DDX60L: variants seen among roughly 807,000 people sequenced by gnomAD.
DDX60L encodes the protein probable ATP-dependent RNA helicase DDX60-like.
A neutral mutation model predicts 211.6 loss-of-function variants in DDX60L; 191 were observed. That is an observed-to-expected ratio of 0.90 (90% CI 0.80 to 1.02). DDX60L has a LOEUF of 1.02. Among genes scored for constraint, DDX60L ranks in the 50% least tolerant of loss-of-function variants. The pLI, the probability that DDX60L is intolerant of heterozygous loss-of-function variation, is 0.00. For synonymous variants in DDX60L, 706 were observed against 694.1 expected, an observed-to-expected ratio of 1.02 and a Z score of -0.27; for missense variants, 2,007 against 1,984.1, an observed-to-expected ratio of 1.01 and a Z score of -0.22.
chr4:168,432,795 A>T (rs1461776184), intron 11 of DDX60L, among the ~76,000 whole-genome samples: 1 of 151,298 alleles, frequency 6.6e-6, no homozygotes, highest in African/African-American at 2.4e-5. Context: ...GAGTAATTTT[A>T]TTATACGTTC....
At chr4:168,420,178 G>A in intron 18 of DDX60L, 83 bp downstream of exon 18, 2 of 1,131,108 alleles carry the variant, frequency 1.8e-6, no homozygotes, top group Non-Finnish European at 2.4e-6. Context: ...ATAAGGGCTT[G>A]TGTTTTGCAG....
chr4:168,422,529 A>T lies in DDX60L; in HGVS notation c.2239T>A (p.Trp747Arg). The change falls in exon 16 of 38, where the codon TGG becomes AGG. Residue 747 changes from tryptophan (W) to arginine (R), a missense_variant. Trp to Arg is a moderately radical substitution (Grantham distance 101). Coordinates refer to ENST00000682922, the MANE Select transcript of DDX60L (RefSeq NM_001012967.3). ...ACAATGTTTGTTGTCATTACCTGCC[A>T]TGCGTTGGGAATAAAATCCTGGACC... ...PRVQDFIPNA[W>R]QQELLDVVDK... 7 of 1,609,026 alleles carry T rather than the reference A, an allele frequency of 4.4e-6. No homozygotes were observed. In the Admixed American group the frequency reaches 6.8e-5, roughly 16 times the overall value.
chr4:168,370,591 T>C (rs1740831791), intron 36 of DDX60L, among the ~76,000 whole-genome samples: 1 of 152,102 alleles, frequency 6.6e-6, no homozygotes, highest in Non-Finnish European at 1.5e-5. Context: ...TTTTGAACAT[T>C]CTCACCACAA....
At chr4:168,383,345 G>C (rs1743286741) in intron 30 of DDX60L, among the ~76,000 whole-genome samples, 1 of 152,148 alleles carries the variant, frequency 6.6e-6, no homozygotes, top group Non-Finnish European at 1.5e-5. Flanking sequence ...AGTTCATTTG[G>C]GCCAAGGTTG....
rs565412988 is a variant in DDX60L, at chr4:168,388,037, A to T, written c.3916-3225T>A. Reference sequence around the variant, plus strand: ...GAAAATGACAGCCTGGCATAGATGGACGCACATTGTACAGAAGAAATCATC... The same window carrying T: ...GAAAATGACAGCCTGGCATAGATGGTCGCACATTGTACAGAAGAAATCATC... On this transcript the variant is annotated intron_variant, in intron 29 of 37. Transcript: ENST00000682922. 3.3e-5 allele frequency among the ~76,000 whole-genome samples: 5 copies of T among 152,302 alleles called. No individual in the cohort carries two copies. In the South Asian group the frequency reaches 1.0e-3, roughly 32 times the overall value.
chr4:168,379,503 T>C lies in DDX60L; in HGVS notation c.4223A>G (p.Asp1408Gly), dbSNP rs1352692114. 1 of 1,558,348 alleles carries C rather than the reference T, an allele frequency of 6.4e-7. No individual in the cohort carries two copies. The highest frequency in any genetic ancestry group is 8.6e-7 in the Non-Finnish European group (1 of 1,157,282). The change falls in exon 32 of 38, where the codon GAC (aspartate) becomes GGC (glycine). Residue 1408 changes from aspartate to glycine, a missense_variant and splice_region_variant. Physicochemically the swap from Asp to Gly is moderately conservative, Grantham distance 94. Coordinates refer to ENST00000682922, the MANE Select transcript of DDX60L (RefSeq NM_001012967.3). ...TGGATTACCCTTTTTATTTAAATAGTCCTAAAAATGAGAAACAAAAAGTTG... is the reference window on the plus strand; with the variant it reads ...TGGATTACCCTTTTTATTTAAATAGCCCTAAAAATGAGAAACAAAAAGTTG... Reference protein sequence around the residue: ...LFSLQLLIKEDYLNKKGNPKK... With the variant: ...LFSLQLLIKEGYLNKKGNPKK...
At position 168,471,801 on chromosome 4, in the gene DDX60L, G is replaced by T; in HGVS notation, c.210C>A (p.Cys70Ter). Residue 70 changes from cysteine (C) to a stop codon, truncating the protein, a stop_gained, in exon 4 of 38, where the codon TGC becomes TGA. Transcript: ENST00000682922. LOFTEE classifies it high-confidence loss of function. Reference sequence around the variant, plus strand: ...CGTTACTCAGAAGATCCACAAGATAGCATTCAACCAGATAGAAAAAGTGGA... The same window carrying T: ...CGTTACTCAGAAGATCCACAAGATATCATTCAACCAGATAGAAAAAGTGGA... ...QNLHFFYLVE[C>*]YLVDLLSNGG... 6.2e-7 allele frequency: 1 copy of T among 1,613,388 alleles called. No individual in the cohort carries two copies. Among genetic ancestry groups the T allele is most frequent in the Non-Finnish European group, 8.5e-7 (1 of 1,179,788 alleles).
intron 25 of DDX60L, among the ~76,000 whole-genome samples, chr4:168,403,200 A>G (rs2149785912): frequency 6.6e-6 from 1 of 152,270 alleles, no homozygotes; most frequent in East Asian, 1.9e-4. Flanking sequence ...ACTACTCTTT[A>G]ATTTCTCTTA....
intron 36 of DDX60L, among the ~76,000 whole-genome samples, chr4:168,369,623 G>A (rs1740635257): frequency 6.6e-6 from 1 of 151,776 alleles, no homozygotes; most frequent in Non-Finnish European, 1.5e-5. Flanking sequence ...CCACAGTAAA[G>A]AAAACAACAG....
chr4:168,385,099 G>C (rs1160670272), intron 29 of DDX60L, among the ~76,000 whole-genome samples: 1 of 152,182 alleles, frequency 6.6e-6, no homozygotes, highest in African/African-American at 2.4e-5. Context: ...GCTGATAGCT[G>C]GCAGTCTCTA....
intron 17 of DDX60L, 98 bp from the exon 18 acceptor site, chr4:168,420,478 A>G (rs1160861701): frequency 2.3e-5 from 12 of 520,486 alleles, no homozygotes; most frequent in Middle Eastern, 3.7e-4. Context: ...ACACACACAC[A>G]CACACACACA....
chr4:168,401,533 A>C (rs1434212166), intron 25 of DDX60L, among the ~76,000 whole-genome samples: 7 of 152,258 alleles, frequency 4.6e-5, no homozygotes, highest in Non-Finnish European at 8.8e-5. Context: ...GGGATGTGTC[A>C]CAGGCCATGG....
chr4:168,419,688 G>C (rs992020706), intron 18 of DDX60L, among the ~76,000 whole-genome samples: 2 of 152,100 alleles, frequency 1.3e-5, no homozygotes, highest in African/African-American at 4.8e-5. Flanking sequence ...TTTACCTATC[G>C]ACGGGTCCAC....
chr4:168,358,314 C>A (rs1579123919), intron 37 of DDX60L, 38 bp from the exon 38 acceptor site: 2 of 1,383,484 alleles, frequency 1.4e-6, no homozygotes, highest in East Asian at 5.5e-5. Context: ...AATAATGAGC[C>A]CACATTTTTA....
intron 10 of DDX60L, among the ~76,000 whole-genome samples, chr4:168,440,136 G>A (rs997453093): frequency 6.6e-6 from 1 of 152,124 alleles, no homozygotes; most frequent in African/African-American, 2.4e-5. Flanking sequence ...CAGGTGGAAG[G>A]TTTGCTTGAG....
At chr4:168,370,208 G>A (rs1425601379) in intron 36 of DDX60L, among the ~76,000 whole-genome samples, 1 of 152,062 alleles carries the variant, frequency 6.6e-6, no homozygotes, top group Non-Finnish European at 1.5e-5. Flanking sequence ...AGAAAATGTG[G>A]TACATATACA....
chr4:168,420,463 T>C (rs2319814), intron 17 of DDX60L, 83 bp from the exon 18 acceptor site: 10,626 of 459,220 alleles, frequency 0.023, 1,129 homozygotes, highest in Admixed American at 0.059. Flanking sequence ...TCCATACACA[T>C]ACACACACAC....
intron 36 of DDX60L, among the ~76,000 whole-genome samples, chr4:168,362,615 A>G (rs977127890): frequency 6.6e-6 from 1 of 152,194 alleles, no homozygotes; most frequent in Non-Finnish European, 1.5e-5. Context: ...TCTGTAGCCT[A>G]TCCTCCTGTA....
intron 26 of DDX60L, among the ~76,000 whole-genome samples, chr4:168,399,708 A>G (rs1746456168): frequency 6.6e-6 from 1 of 152,196 alleles, no homozygotes; most frequent in South Asian, 2.1e-4. Context: ...GAGGATGGAG[A>G]GGATGGCAAG....
Sources: gnomAD v4.1 joint callset for allele counts (sites outside exome capture counted in the v4.1 genomes callset) on GRCh38, gnomAD v4.1.1 for gene constraint, MANE v1.5 for transcripts, NCBI Gene and HGNC (gene_info 2026-07-23, HGNC 2026-07-21) for gene names.